STARD9: variants seen among roughly 807,000 people sequenced by gnomAD.
The protein encoded by STARD9 is StAR related lipid transfer domain containing 9, also known as stAR-related lipid transfer protein 9.
STARD9 carries 346 observed loss-of-function variants against 399.8 expected under a neutral mutation model. The observed-to-expected ratio is 0.87, with a 90% CI of 0.79 to 0.95. The LOEUF is 0.95. STARD9 is among the 40% of genes least tolerant of loss of function. The pLI, the probability that STARD9 is intolerant of heterozygous loss-of-function variation, is 0.00. For synonymous variants in STARD9, 2,203 were observed against 2,143.5 expected, an observed-to-expected ratio of 1.03 and a Z score of -0.77; for missense variants, 5,832 against 5,667.5, an observed-to-expected ratio of 1.03 and a Z score of -0.93.
At position 42,598,000 on chromosome 15, in the gene STARD9, A is replaced by ATATGTG. The variant is rs1555388916; in HGVS notation, c.234+12364_234+12365insATGTGT. ...TGTGTGTGTGTGTTTGTATATATAT[A>ATATGTG]TGTGTGTGTGTGTGTGTGTGTGTGT... is the stretch of plus-strand genomic sequence containing the variant. On this transcript the variant is annotated intron_variant, in intron 3 of 32. Transcript: ENST00000290607. Among the ~76,000 whole-genome samples, 104 of 115,182 alleles carry ATATGTG rather than the reference A, an allele frequency of 9.0e-4. 1 individual carries two copies. The highest frequency in any genetic ancestry group is 3.0e-3 in the African/African-American group (88 of 29,116). The allele number at this position is 115,182 out of a possible 152,430, so 75.6% of individuals were successfully genotyped here.
At position 42,648,434 on chromosome 15, in the gene STARD9, A is replaced by AT. The variant is rs2059688774; in HGVS notation, c.560-2580dup. Among the ~76,000 whole-genome samples the AT allele has an allele frequency of 2.6e-5, 4 of 152,288 alleles. No individual in the cohort carries two copies. In the South Asian group the frequency reaches 8.3e-4, roughly 32 times the overall value. On this transcript the variant is annotated intron_variant, in intron 7 of 32. Transcript: ENST00000290607. ...GGCCTCGGCCTCCCAAAGTGCTGGG[A>AT]TTACAGGCATGAGCCCCCATACCCA...
At chr15:42,718,386 C>A in intron 30 of STARD9, 49 bp from the exon 31 acceptor site, 1 of 1,452,960 alleles carries the variant, frequency 6.9e-7, no homozygotes, top group Non-Finnish European at 9.3e-7. Context: ...GGCTTTAGGA[C>A]TAGGTCTGTC....
chr15:42,579,934 G>C (rs1330713783), intron 1 of STARD9, among the ~76,000 whole-genome samples: 1 of 152,140 alleles, frequency 6.6e-6, no homozygotes, highest in African/African-American at 2.4e-5. Context: ...AGGCTAAAGT[G>C]CCTCTATTAC....
chr15:42,693,827 G>A lies in STARD9; in HGVS notation c.12249G>A (p.Gln4083=). ...GACCTTCTTCATGGGGAGGCCTCCA[G>A]CACCTCAGCCCCTGCCCTGTCTCTG... is the stretch of plus-strand genomic sequence containing the variant. ...LDRPSSWGGL[Q]HLSPCPVSEL... Residue 4083 remains glutamine, a synonymous_variant, in exon 23 of 33, where the codon CAG becomes CAA. Transcript: ENST00000290607. 4 of 1,536,606 alleles carry A rather than the reference G, an allele frequency of 2.6e-6. No individual in the cohort carries two copies. Among genetic ancestry groups the A allele is most frequent in the Non-Finnish European group, 3.5e-6 (4 of 1,146,714 alleles).
At chr15:42,617,128 T>C (rs114844882) in intron 3 of STARD9, among the ~76,000 whole-genome samples, 1,752 of 152,296 alleles carry the variant, frequency 0.012, 47 homozygotes, top group African/African-American at 0.041. Flanking sequence ...CCTTACACAG[T>C]AAGAGCCGTG....
chr15:42,685,239 G>T lies in STARD9; in HGVS notation c.3661G>T (p.Glu1221Ter), dbSNP rs777140458. The change falls in exon 23 of 33, where the codon GAA (glutamate) becomes TAA (stop). Residue 1221 changes from glutamate to a stop codon, truncating the protein, a stop_gained. Coordinates refer to ENST00000290607, the MANE Select transcript of STARD9 (RefSeq NM_020759.3). LOFTEE classifies it high-confidence loss of function. Reference protein sequence around the residue: ...EEELGEDQQEEPFPGSADEIP... With the variant: ...EEELGEDQQE ...AGAACTGGGGGAAGATCAGCAAGAA[G>T]AACCTTTCCCTGGTTCAGCTGACGA... The T allele has an allele frequency of 1.3e-6, 2 of 1,537,406 alleles. No homozygotes were observed. Among genetic ancestry groups the T allele is most frequent in the South Asian group, 1.2e-5 (1 of 84,066 alleles).
At chr15:42,712,252 A>C (rs1432230973) in intron 26 of STARD9, among the ~76,000 whole-genome samples, 1 of 146,752 alleles carries the variant, frequency 6.8e-6, no homozygotes, top group Admixed American at 7.2e-5. Context: ...ATTCACAGAA[A>C]ATGTCCTCCC....
At chr15:42,577,030 G>GGA in intron 1 of STARD9, among the ~76,000 whole-genome samples, 1 of 152,248 alleles carries the variant, frequency 6.6e-6, no homozygotes, top group East Asian at 1.9e-4. Context: ...ATGCTATGCT[G>GGA]GAGGTAGTCT....
At chr15:42,676,109 A>G (rs563451455) in intron 20 of STARD9, 134 bp downstream of exon 20, 130 of 721,750 alleles carry the variant, frequency 1.8e-4, no homozygotes, top group Non-Finnish European at 1.8e-4. Flanking sequence ...GTCTGAATCA[A>G]CTTGGGCAAG....
chr15:42,587,485 CACTGAG>C (rs2058300161), intron 3 of STARD9, among the ~76,000 whole-genome samples: 1 of 152,176 alleles, frequency 6.6e-6, no homozygotes, highest in Admixed American at 6.5e-5. Context: ...ACCTGCCCTC[CACTGAG>C]TCTTCTCTGT....
chr15:42,690,745 GCTGCAGATCCCCTT>G lies in STARD9; in HGVS notation c.9172_9185del (p.Arg3058SerfsTer2). ...GCTGCTGTCCTATCTCGAGCTCAAG[GCTGCAGATCCCCTT>G]CTGCTCCTGACGTGAGGACAGGTTC... On this transcript the variant is annotated frameshift_variant, in exon 23 of 33. Transcript: ENST00000290607. LOFTEE classifies it high-confidence loss of function. 6.5e-7 allele frequency: 1 copy of G among 1,537,266 alleles called. No individual in the cohort carries two copies. The highest frequency in any genetic ancestry group is 1.2e-5 in the South Asian group (1 of 84,066).
chr15:42,592,642 C>T, intron 3 of STARD9, among the ~76,000 whole-genome samples: 1 of 151,862 alleles, frequency 6.6e-6, no homozygotes, highest in East Asian at 1.9e-4. Context: ...ACGGGTTTCT[C>T]CATGTTGGCC....
chr15:42,714,361 C>G (rs1422527462), intron 26 of STARD9, among the ~76,000 whole-genome samples: 2 of 152,060 alleles, frequency 1.3e-5, no homozygotes, highest in African/African-American at 2.4e-5. Flanking sequence ...CCATCCCGCC[C>G]GGCCTGTACT....
Position 42,689,171 on chromosome 15 carries a change from G to T in STARD9, c.7593G>T (p.Val2531=), listed in dbSNP as rs1281667131. 3 of 1,537,176 alleles carry T rather than the reference G, an allele frequency of 2.0e-6. No individual in the cohort carries two copies. In the African/African-American group the frequency reaches 4.1e-5, roughly 21 times the overall value. ...TAGCACCTGTTTCCCTGCCGAGGGT[G>T]CCCAGTCCAGAGCCTAGGCTGTTGG... is the stretch of plus-strand genomic sequence containing the variant. ...VSLAPVSLPR[V]PSPEPRLLEP... is the part of the protein sequence containing the mutation. The change falls in exon 23 of 33, where the codon GTG becomes GTT. Residue 2531 remains valine (V), a synonymous_variant. Coordinates refer to ENST00000290607, the MANE Select transcript of STARD9 (RefSeq NM_020759.3).
At chr15:42,676,006 A>G (rs1203425348) in intron 20 of STARD9, 31 bp downstream of exon 20, 4 of 1,342,634 alleles carry the variant, frequency 3.0e-6, no homozygotes, top group Non-Finnish European at 9.9e-7. Context: ...CTGATGTGGA[A>G]CCTACTGGGT....
intron 16 of STARD9, chr15:42,671,884 C>T (rs1019580804): frequency 1.3e-5 from 2 of 152,154 alleles, no homozygotes. Flanking sequence ...TCAAGTGATC[C>T]ACCCATCTTG....
At chr15:42,665,396 C>T in intron 14 of STARD9, 66 bp downstream of exon 14, 1 of 1,326,658 alleles carries the variant, frequency 7.5e-7, no homozygotes, top group Admixed American at 2.0e-5. Context: ...CTTTTCTTCT[C>T]CATAGAGTCT....
chr15:42,703,299 C>T (rs922430374), intron 26 of STARD9, among the ~76,000 whole-genome samples: 3 of 151,762 alleles, frequency 2.0e-5, no homozygotes, highest in Non-Finnish European at 4.4e-5. Context: ...TTCTACTCCC[C>T]TCCGTTCTCA....
At chr15:42,709,252 A>G (rs1425923693) in intron 26 of STARD9, among the ~76,000 whole-genome samples, 5 of 152,090 alleles carry the variant, frequency 3.3e-5, no homozygotes, top group South Asian at 2.1e-4. Context: ...CACAAAAGCT[A>G]TGTTGGTGGT....
Sources: allele counts gnomAD v4.1 joint callset (sites outside exome capture counted in the v4.1 genomes callset), GRCh38; gene constraint gnomAD v4.1.1; transcripts MANE v1.5; gene names NCBI Gene and HGNC (gene_info 2026-07-23, HGNC 2026-07-21).